IL1RAPL2: variants seen among roughly 807,000 people sequenced by gnomAD.
IL1RAPL2 encodes the protein X-linked interleukin-1 receptor accessory protein-like 2.
Under a neutral mutation model 44.1 loss-of-function variants are expected in IL1RAPL2, and 3 were observed. The ratio of observed to expected loss-of-function variants is 0.07; its 90% CI spans 0.03 to 0.18. The LOEUF (loss-of-function observed/expected upper bound fraction) is 0.18, where lower values mean the gene tolerates loss of function less well. Among genes scored for constraint, IL1RAPL2 ranks in the 10% least tolerant of loss-of-function variants. The pLI is 1.00. For missense variants in IL1RAPL2, 391 were observed against 496.4 expected (o/e 0.79, Z 2.02); for synonymous variants, 181 against 178.8 (o/e 1.01, Z -0.10).
intron 2 of IL1RAPL2, among the ~76,000 whole-genome samples, chrX:104,963,574 T>C: frequency 9.0e-6 from 1 of 111,345 alleles, no homozygotes; most frequent in African/African-American, 3.3e-5. Context: ...GGGTAGTAAA[T>C]AGATTTCCAT....
chrX:104,954,813 G>T (rs1480510638), intron 2 of IL1RAPL2, among the ~76,000 whole-genome samples: 1 of 112,724 alleles, frequency 8.9e-6, no homozygotes, highest in African/African-American at 3.2e-5. Context: ...CCCTAAATTG[G>T]GGCCTAGCCC....
At chrX:105,587,164 T>C (rs1049930260) in intron 6 of IL1RAPL2, among the ~76,000 whole-genome samples, 5 of 112,120 alleles carry the variant, frequency 4.5e-5, no homozygotes, top group African/African-American at 1.6e-4. Flanking sequence ...TGGACAATAG[T>C]AGTAGTCCTG....
chrX:104,862,939 A>G (rs1348569635), intron 2 of IL1RAPL2, among the ~76,000 whole-genome samples: 1 of 111,439 alleles, frequency 9.0e-6, no homozygotes, highest in African/African-American at 3.3e-5. Flanking sequence ...CACTGTGACT[A>G]GAAACAGGAA....
chrX:105,082,955 A>G (rs191938149), intron 2 of IL1RAPL2, among the ~76,000 whole-genome samples: 2 of 111,441 alleles, frequency 1.8e-5, no homozygotes, highest in Non-Finnish European at 3.8e-5. Context: ...AATGAGTTTG[A>G]TGAATTGACA....
At chrX:105,020,427 TGACA>T (rs1281702162) in intron 2 of IL1RAPL2, among the ~76,000 whole-genome samples, 1 of 112,183 alleles carries the variant, frequency 8.9e-6, no homozygotes, top group Non-Finnish European at 1.9e-5. Context: ...GCTGTTGTTG[TGACA>T]GACAGAATTC....
chrX:105,625,597 A>G (rs1161685585), intron 6 of IL1RAPL2, among the ~76,000 whole-genome samples: 2 of 111,983 alleles, frequency 1.8e-5, no homozygotes, highest in African/African-American at 6.5e-5. Context: ...TATTTTTCTC[A>G]GAACAATCAA....
chrX:105,196,093 C>T (rs1556140981), intron 3 of IL1RAPL2, among the ~76,000 whole-genome samples: 1 of 110,364 alleles, frequency 9.1e-6, no homozygotes, highest in African/African-American at 3.3e-5. Flanking sequence ...ACCGGCCTGA[C>T]CAATATGGTG....
chrX:105,042,894 A>G (rs1260267932), intron 2 of IL1RAPL2, among the ~76,000 whole-genome samples: 1 of 108,164 alleles, frequency 9.2e-6, no homozygotes, highest in Non-Finnish European at 1.9e-5. Flanking sequence ...AATACTATGC[A>G]GCCATAAAAA....
At chrX:104,582,822 C>CTTTCTTTCTCTTTCTTTCTTTCTT (rs748809592) in intron 1 of IL1RAPL2, among the ~76,000 whole-genome samples, 14 of 40,661 alleles carry the variant, frequency 3.4e-4, no homozygotes, top group Non-Finnish European at 5.4e-4. Context: ...TCCTTTCTTT[C>CTTTCTTTCTCTTTCTTTCTTTCTT]TCTTTCTTTC....
At chrX:105,363,309 A>ATATATATATATATATATAATATAT (rs1569429207) in intron 5 of IL1RAPL2, among the ~76,000 whole-genome samples, 8 of 55,667 alleles carry the variant, frequency 1.4e-4, no homozygotes, top group African/African-American at 1.4e-3. Context: ...TATATATATA[A>ATATATATATATATATATAATATAT]TATATATATA....
chrX:105,342,047 A>G (rs9779035), intron 5 of IL1RAPL2, among the ~76,000 whole-genome samples: 70 of 108,763 alleles, frequency 6.4e-4, no homozygotes, highest in Non-Finnish European at 1.0e-3. Flanking sequence ...TTCTCGGTAA[A>G]CTATCGCAAG....
At chrX:105,349,493 G>T (rs772299616) in intron 5 of IL1RAPL2, among the ~76,000 whole-genome samples, 2 of 111,709 alleles carry the variant, frequency 1.8e-5, no homozygotes, top group African/African-American at 6.5e-5. Flanking sequence ...AAGTATAATG[G>T]TATGAGAATT....
intron 5 of IL1RAPL2, among the ~76,000 whole-genome samples, chrX:105,382,917 A>C (rs1431492600): frequency 3.1e-5 from 3 of 95,612 alleles, no homozygotes; most frequent in African/African-American, 1.2e-4. Flanking sequence ...GGAATTGAAC[A>C]ATGAGAACAC....
At chrX:105,076,652 C>A (rs1027381198) in intron 2 of IL1RAPL2, among the ~76,000 whole-genome samples, 5 of 111,220 alleles carry the variant, frequency 4.5e-5, no homozygotes, top group Non-Finnish European at 9.4e-5. Context: ...GTGTTAAAAT[C>A]TCCCATTATT....
At chrX:105,216,973 A>C (rs1311596906) in intron 3 of IL1RAPL2, among the ~76,000 whole-genome samples, 1 of 110,537 alleles carries the variant, frequency 9.0e-6, no homozygotes, top group Non-Finnish European at 1.9e-5. Flanking sequence ...TAAAGACTTA[A>C]ATGTTAGACC....
At chrX:105,255,108 G>T (rs1433539551) in intron 4 of IL1RAPL2, among the ~76,000 whole-genome samples, 2 of 111,673 alleles carry the variant, frequency 1.8e-5, no homozygotes, top group African/African-American at 3.3e-5. Flanking sequence ...GATAGGAATA[G>T]CATTGAATCT....
intron 6 of IL1RAPL2, among the ~76,000 whole-genome samples, chrX:105,655,871 A>T (rs2037674113): frequency 8.9e-6 from 1 of 112,079 alleles, no homozygotes; most frequent in East Asian, 2.8e-4. Flanking sequence ...TTTATGGAGT[A>T]AATGAGATGT....
chrX:105,027,120 T>G (rs772353285), intron 2 of IL1RAPL2, among the ~76,000 whole-genome samples: 4 of 111,699 alleles, frequency 3.6e-5, no homozygotes, highest in Non-Finnish European at 7.5e-5. Context: ...GATATCCATA[T>G]GCAGAAGAGA....
At chrX:104,659,048 G>T (rs1930336361) in intron 2 of IL1RAPL2, 53 bp downstream of exon 2, 2 of 845,031 alleles carry the variant, frequency 2.4e-6, no homozygotes, top group Non-Finnish European at 3.5e-6. Context: ...AGTTTTGTGA[G>T]CACCCAGAGG....
Sources: gnomAD v4.1 joint callset for allele counts (sites outside exome capture counted in the v4.1 genomes callset) on GRCh38, gnomAD v4.1.1 for gene constraint, MANE v1.5 for transcripts, NCBI Gene and HGNC (gene_info 2026-07-23, HGNC 2026-07-21) for gene names.